The following SMAD2 variants were observed in gnomAD, a reference collection of about 807,000 sequenced individuals.
SMAD2 encodes MAD homolog 2.
Under a neutral mutation model 64.4 loss-of-function variants are expected in SMAD2, and 8 were observed. The observed-to-expected ratio is 0.12, with a 90% CI of 0.07 to 0.22. SMAD2 has a LOEUF of 0.22. SMAD2 is among the 10% of genes least tolerant of loss of function. SMAD2 has a pLI of 1.00. For missense variants in SMAD2, 289 were observed against 561.2 expected, an observed-to-expected ratio of 0.51 and a Z score of 4.90; for synonymous variants, 203 against 195.8, an observed-to-expected ratio of 1.04 and a Z score of -0.31.
At position 47,818,886 on chromosome 18, in the gene SMAD2, T is replaced by C. The variant is rs1912464451; in HGVS notation, c.*22941A>G. ...GGTCCCACTTTCTCAGAAATATAAT[T>C]TGAATCCAATAACTGTCTTTTATAA... is the stretch of plus-strand genomic sequence containing the variant. On this transcript the variant is annotated 3_prime_UTR_variant, in exon 11 of 11. Transcript: ENST00000262160. 6.6e-6 allele frequency: 1 copy of C among 152,216 alleles called. No individual in the cohort carries two copies. The highest frequency in any genetic ancestry group is 2.4e-5 in the African/African-American group (1 of 41,456). The allele number at this position is 152,216 out of a possible 1,614,324, so 9.4% of individuals were successfully genotyped here.
intron 1 of SMAD2, among the ~76,000 whole-genome samples, chr18:47,902,912 G>A (rs186989745): frequency 6.6e-5 from 10 of 152,188 alleles, no homozygotes; most frequent in Admixed American, 3.9e-4. Context: ...CATGCACACC[G>A]ACATGACATA....
intron 8 of SMAD2, among the ~76,000 whole-genome samples, chr18:47,847,082 A>C (rs185964120): frequency 6.6e-6 from 1 of 152,208 alleles, no homozygotes; most frequent in Admixed American, 6.5e-5. Context: ...AAAAAATCCA[A>C]TAACGACAGC....
At chr18:47,885,601 T>C (rs1386745363) in intron 2 of SMAD2, among the ~76,000 whole-genome samples, 1 of 152,216 alleles carries the variant, frequency 6.6e-6, no homozygotes, top group Non-Finnish European at 1.5e-5. Flanking sequence ...GGTCTCTGTA[T>C]ATGTGGGCTC....
At chr18:47,904,679 C>T (rs1024751643) in intron 1 of SMAD2, among the ~76,000 whole-genome samples, 1 of 152,132 alleles carries the variant, frequency 6.6e-6, no homozygotes, top group Non-Finnish European at 1.5e-5. Context: ...AAAAGGTCAT[C>T]ATCACTAAGT....
chr18:47,899,084 G>C lies in SMAD2; in HGVS notation c.-53-2275C>G, dbSNP rs141205375. On this transcript the variant is annotated intron_variant, in intron 1 of 10. Coordinates refer to ENST00000262160, the MANE Select transcript of SMAD2 (RefSeq NM_005901.6). ...CAGAGAGATCAACCAGCAGAGAATT[G>C]CAATACACAAAAGGAAGAATAGCTA... 5.1e-3 allele frequency among the ~76,000 whole-genome samples: 773 copies of C among 152,154 alleles called. 5 individuals are homozygous for C. Among genetic ancestry groups the C allele is most frequent in the African/African-American group, 0.018 (729 of 41,518 alleles).
intron 2 of SMAD2, among the ~76,000 whole-genome samples, chr18:47,873,328 C>CA (rs979081275): frequency 1.3e-5 from 2 of 151,738 alleles, no homozygotes; most frequent in African/African-American, 4.8e-5. Context: ...GTGCACTGAG[C>CA]AAAAAAGAAA....
intron 2 of SMAD2, among the ~76,000 whole-genome samples, chr18:47,877,211 C>A (rs550607600): frequency 6.6e-6 from 1 of 151,362 alleles, no homozygotes; most frequent in African/African-American, 2.4e-5. Context: ...TAAGTTGCCA[C>A]CTTGGTAAGA....
intron 1 of SMAD2, among the ~76,000 whole-genome samples, chr18:47,927,456 T>C (rs994715837): frequency 3.9e-5 from 6 of 152,222 alleles, no homozygotes; most frequent in African/African-American, 7.2e-5. Context: ...CACTGGAGAA[T>C]AGGGCAAGGG....
intron 5 of SMAD2, chr18:47,867,421 T>C (rs2031642066): frequency 6.6e-6 from 1 of 152,134 alleles, no homozygotes; most frequent in African/African-American, 2.4e-5. Flanking sequence ...AAAGAAATAA[T>C]TGTTTAAATG....
intron 6 of SMAD2, among the ~76,000 whole-genome samples, chr18:47,856,340 C>A (rs2030680804): frequency 6.6e-6 from 1 of 152,092 alleles, no homozygotes; most frequent in South Asian, 2.1e-4. Flanking sequence ...ATTTTAGGTG[C>A]TCTTATCACA....
intron 7 of SMAD2, among the ~76,000 whole-genome samples, chr18:47,850,481 T>TATAA (rs200445854): frequency 1.2e-4 from 2 of 16,016 alleles, no homozygotes; most frequent in Non-Finnish European, 1.9e-4. Flanking sequence ...ATATTATATA[T>TATAA]TATATATTAT....
intron 1 of SMAD2, among the ~76,000 whole-genome samples, chr18:47,898,939 A>T (rs1176764041): frequency 6.6e-6 from 1 of 151,958 alleles, no homozygotes; most frequent in Non-Finnish European, 1.5e-5. Flanking sequence ...TTATTCTCAA[A>T]TCCAGTCTGT....
At chr18:47,872,792 C>T (rs2032020069) in intron 2 of SMAD2, among the ~76,000 whole-genome samples, 1 of 152,192 alleles carries the variant, frequency 6.6e-6, no homozygotes, top group East Asian at 1.9e-4. Context: ...ACCATTGCCG[C>T]ACCACCACGG....
chr18:47,812,160 G>A lies in SMAD2; in HGVS notation c.*29667C>T, dbSNP rs1428146639. ...CCATATTATGTGAGGGACCCAGTGA[G>A]AGGTAACTGAATCATGGGGGTGGGT... is the stretch of plus-strand genomic sequence containing the variant. On this transcript the variant is annotated 3_prime_UTR_variant, in exon 11 of 11. Transcript: ENST00000262160. 6.6e-6 allele frequency: 1 copy of A among 152,208 alleles called. No individual in the cohort carries two copies. Among genetic ancestry groups the A allele is most frequent in the Non-Finnish European group, 1.5e-5 (1 of 68,040 alleles). 9.4% of individuals were successfully genotyped at this position (152,208 alleles called of 1,614,324 possible).
intron 6 of SMAD2, among the ~76,000 whole-genome samples, chr18:47,854,707 CT>C (rs1226378956): frequency 4.6e-5 from 7 of 150,628 alleles, no homozygotes; most frequent in South Asian, 2.1e-4. Context: ...TTAAAAAAGA[CT>C]TTTTTTTTAG....
rs1400853247 is a variant in SMAD2 at position 47,836,689 on chromosome 18, G to C, written c.*5138C>G. On this transcript the variant is annotated 3_prime_UTR_variant, in exon 11 of 11. Coordinates refer to ENST00000262160, the MANE Select transcript of SMAD2 (RefSeq NM_005901.6). ...GAGGCAGTTCTGCTATATATAGTTA[G>C]CTACAATATTCAAGATAAAACAGTT... 3.2e-5 allele frequency: 7 copies of C among 217,342 alleles called. No individual in the cohort carries two copies. The highest frequency in any genetic ancestry group is 6.5e-5 in the Non-Finnish European group (7 of 108,320). 13.5% of individuals were successfully genotyped at this position (217,342 alleles called of 1,614,324 possible).
chr18:47,925,837 G>T (rs961868281), intron 1 of SMAD2, among the ~76,000 whole-genome samples: 1 of 152,156 alleles, frequency 6.6e-6, no homozygotes, highest in South Asian at 2.1e-4. Context: ...CAAGAAAGGG[G>T]ATCAAAAAAA....
rs994720610 is a variant in SMAD2 at position 47,821,230 on chromosome 18, T to C, written c.*20597A>G. ...CTTTGCTGTATCTTGCTGCACCTTA[T>C]TTGTAGGTCACACATCATTGCCTTT... On this transcript the variant is annotated 3_prime_UTR_variant, in exon 11 of 11. Coordinates refer to ENST00000262160, the MANE Select transcript of SMAD2 (RefSeq NM_005901.6). 1.3e-5 allele frequency: 2 copies of C among 152,194 alleles called. No homozygotes were observed. The highest frequency in any genetic ancestry group is 4.8e-5 in the African/African-American group (2 of 41,448). The allele number at this position is 152,194 out of a possible 1,614,324, so 9.4% of individuals were successfully genotyped here. A position where few individuals can be genotyped will look rare whatever the true frequency, so the allele number is the denominator to read the frequency against.
intron 2 of SMAD2, among the ~76,000 whole-genome samples, chr18:47,887,806 T>G (rs554569874): frequency 2.6e-5 from 4 of 152,172 alleles, no homozygotes; most frequent in Non-Finnish European, 4.4e-5. Flanking sequence ...AGCAGACACA[T>G]GTCAAACTGA....
Sources: gnomAD v4.1 joint callset for allele counts (sites outside exome capture counted in the v4.1 genomes callset) on GRCh38, gnomAD v4.1.1 for gene constraint, MANE v1.5 for transcripts, NCBI Gene and HGNC (gene_info 2026-07-23, HGNC 2026-07-21) for gene names.